Variants in TRMT13 observed in about 807,000 individuals in gnomAD.
TRMT13 encodes the protein tRNA:m(4)X modification enzyme TRM13 homolog.
Under a neutral mutation model 55.9 loss-of-function variants are expected in TRMT13, and 45 were observed. The ratio of observed to expected loss-of-function variants is 0.80; its 90% CI spans 0.63 to 1.03. The LOEUF is 1.03. Among genes scored for constraint, TRMT13 ranks in the 50% least tolerant of loss-of-function variants. The probability of loss-of-function intolerance (pLI) is 0.00; values close to 1 mark genes in which losing one functional copy is unlikely to be tolerated. For synonymous variants in TRMT13, 183 were observed against 196.3 expected (o/e 0.93, Z 0.57); for missense variants, 513 against 563.9 (o/e 0.91, Z 0.91).
At position 100,148,090 on chromosome 1, in the gene TRMT13, C is replaced by T; in HGVS notation, c.1014C>T (p.His338=). Residue 338 remains histidine (H), a synonymous_variant, in exon 10 of 11, where the codon CAC becomes CAT. Transcript: ENST00000370141. ...TTGTTATTGCACTCTGTTGTCACCA[C>T]AGGTGTGATTGGAGACATTATGTGG... is the stretch of plus-strand genomic sequence containing the variant. The part of the protein sequence containing the change: ...AGIVIALCCH[H]RCDWRHYVGK... 1 of 1,614,200 alleles carries T rather than the reference C, an allele frequency of 6.2e-7. No homozygotes were observed. Among genetic ancestry groups the T allele is most frequent in the Non-Finnish European group, 8.5e-7 (1 of 1,180,034 alleles).
chr1:100,140,755 T>C, intron 6 of TRMT13, 97 bp from the exon 7 acceptor site: 1 of 1,199,488 alleles, frequency 8.3e-7, no homozygotes, highest in Non-Finnish European at 1.2e-6. Flanking sequence ...ATTATCAATG[T>C]AAGCATACTG....
intron 4 of TRMT13, 87 bp from the exon 5 acceptor site, chr1:100,140,095 C>T: frequency 1.2e-6 from 1 of 813,748 alleles, no homozygotes; most frequent in Non-Finnish European, 2.0e-6. Flanking sequence ...ATGGGATTTG[C>T]CCAGTTGGTA....
intron 3 of TRMT13, 24 bp downstream of exon 3, chr1:100,137,109 G>T: frequency 6.3e-7 from 1 of 1,591,246 alleles, no homozygotes; most frequent in South Asian, 1.1e-5. Context: ...CAGTAAAATT[G>T]AATGGTGAAA....
Position 100,148,137 on chromosome 1 carries a change from T to TA in TRMT13, c.1062dup (p.Gly355ArgfsTer15), listed in dbSNP as rs746150860. The stretch of plus-strand genomic sequence containing the variant: ...GTGGGCAAAGAATATTTCAGGGCTC[T>TA]AGGCCTTGGAGCAGTGGAATTCCAT... On this transcript the variant is annotated frameshift_variant, in exon 10 of 11. Transcript: ENST00000370141. LOFTEE classifies it high-confidence loss of function. 2 of 1,614,096 alleles carry TA rather than the reference T, an allele frequency of 1.2e-6. No homozygotes were observed. Among genetic ancestry groups the TA allele is most frequent in the African/African-American group, 2.7e-5 (2 of 74,942 alleles).
chr1:100,149,496 G>T lies in TRMT13; in HGVS notation c.*676G>T. 1 of 1,449,050 alleles carries T rather than the reference G, an allele frequency of 6.9e-7. No homozygotes were observed. The highest frequency in any genetic ancestry group is 1.4e-5 in the South Asian group (1 of 73,920). 89.8% of individuals were successfully genotyped at this position (1,449,050 alleles called of 1,614,324 possible). ...ATTTTGTTGGATAATTGTCTAGTTA[G>T]AACTTCCAAAAAGATACTTACAAAC... On this transcript the variant is annotated 3_prime_UTR_variant, in exon 11 of 11. Coordinates refer to ENST00000370141, the MANE Select transcript of TRMT13 (RefSeq NM_019083.3).
Position 100,143,120 on chromosome 1 carries a change from A to G in TRMT13, c.670-17A>G. 6.4e-7 allele frequency: 1 copy of G among 1,571,924 alleles called. No homozygotes were observed. On this transcript the variant is annotated splice_polypyrimidine_tract_variant and intron_variant, in intron 7 of 10. Coordinates refer to ENST00000370141, the MANE Select transcript of TRMT13 (RefSeq NM_019083.3). ...AATGTAAGAAGTGATTATTACAATA[A>G]TGTTCTGTTTGTGCAGGTGGATGGA... is the stretch of plus-strand genomic sequence containing the variant.
intron 9 of TRMT13, among the ~76,000 whole-genome samples, chr1:100,146,667 G>A (rs1374990493): frequency 1.3e-5 from 2 of 152,050 alleles, no homozygotes; most frequent in Admixed American, 6.5e-5. Flanking sequence ...CACCACGCCC[G>A]GCTAATTTTT....
chr1:100,149,555 G>T lies in TRMT13; in HGVS notation c.*735G>T. The T allele has an allele frequency of 2.1e-6, 2 of 939,476 alleles. No homozygotes were observed. Among genetic ancestry groups the T allele is most frequent in the Non-Finnish European group, 3.1e-6 (2 of 646,922 alleles). 58.2% of individuals were successfully genotyped at this position (939,476 alleles called of 1,614,324 possible). A position where few individuals can be genotyped will look rare whatever the true frequency, so the allele number is the denominator to read the frequency against. ...CAAATTTGAAATAATTTCTGAAGTT[G>T]ATTAGCTATCTCATATCTTTTATCA... On this transcript the variant is annotated 3_prime_UTR_variant, in exon 11 of 11. Transcript: ENST00000370141.
At chr1:100,145,787 C>T (rs1657170004) in intron 9 of TRMT13, among the ~76,000 whole-genome samples, 1 of 152,202 alleles carries the variant, frequency 6.6e-6, no homozygotes, top group South Asian at 2.1e-4. Context: ...GGGAGGATCA[C>T]TTGAGCCTAA....
At chr1:100,142,396 A>G (rs2101733651) in intron 7 of TRMT13, among the ~76,000 whole-genome samples, 1 of 152,328 alleles carries the variant, frequency 6.6e-6, no homozygotes, top group African/African-American at 2.4e-5. Context: ...AGTAAGAAAG[A>G]GGCCAGAGCT....
chr1:100,148,377 G>T, intron 10 of TRMT13, 51 bp downstream of exon 10: 1 of 1,505,828 alleles, frequency 6.6e-7, no homozygotes, highest in Non-Finnish European at 9.0e-7. Context: ...ATATTATATT[G>T]TACTGTACTT....
At position 100,140,485 on chromosome 1, in the gene TRMT13, G is replaced by A. The variant is rs367748763; in HGVS notation, c.472G>A (p.Asp158Asn). 4 of 1,613,744 alleles carry A rather than the reference G, an allele frequency of 2.5e-6. No homozygotes were observed. The highest frequency in any genetic ancestry group is 3.3e-5 in the Admixed American group (2 of 59,998). Residue 158 changes from aspartate (D) to asparagine (N), a missense_variant, in exon 6 of 11, where the codon GAT becomes AAT. Physicochemically the swap from Asp to Asn is conservative, Grantham distance 23. This residue lies in a region of TRMT13 where 298 missense variants were observed against 290.3 expected (regional missense o/e 1.03). Transcript: ENST00000370141. Reference sequence around the variant, plus strand: ...TGCACTTAATGACCCTAAAAATGGCGATTCTGCAACCAAGCACCTGAAACA... The same window carrying A: ...TGCACTTAATGACCCTAAAAATGGCAATTCTGCAACCAAGCACCTGAAACA... ...HDALNDPKNG[D>N]SATKHLKQQA...
At position 100,148,940 on chromosome 1, in the gene TRMT13, G is replaced by A. The variant is rs1003922447; in HGVS notation, c.*120G>A. The stretch of plus-strand genomic sequence containing the variant: ...AATATGAACTTTAAAAAATGCTGTG[G>A]CCTCATTAAACTTTGGTAATAGCTT... On this transcript the variant is annotated 3_prime_UTR_variant, in exon 11 of 11. Coordinates refer to ENST00000370141, the MANE Select transcript of TRMT13 (RefSeq NM_019083.3). The A allele has an allele frequency of 7.6e-6, 9 of 1,188,706 alleles. No individual in the cohort carries two copies. Among genetic ancestry groups the A allele is most frequent in the Non-Finnish European group, 1.0e-5 (9 of 883,918 alleles). The allele number at this position is 1,188,706 out of a possible 1,614,324, so 73.6% of individuals were successfully genotyped here. A position where few individuals can be genotyped will look rare whatever the true frequency, so the allele number is the denominator to read the frequency against.
At chr1:100,140,712 A>T in intron 6 of TRMT13, 140 bp from the exon 7 acceptor site, 1 of 919,442 alleles carries the variant, frequency 1.1e-6, no homozygotes, top group Non-Finnish European at 1.6e-6. Flanking sequence ...AAATATTTAA[A>T]GGCAAGAGAG....
rs1657754466 is a variant in TRMT13, at chr1:100,149,609, CAAT to C, written c.*792_*794del. The C allele has an allele frequency of 3.8e-6, 2 of 520,962 alleles. No individual in the cohort carries two copies. Among genetic ancestry groups the C allele is most frequent in the South Asian group, 2.7e-5 (1 of 37,004 alleles). 32.3% of individuals were successfully genotyped at this position (520,962 alleles called of 1,614,324 possible). Reference sequence around the variant, plus strand: ...CATTTTTTATATATGTAGGCACAAACAATAAGTATGTTCTCTTCTGTTTGGGAA... The same window carrying C: ...CATTTTTTATATATGTAGGCACAAACAAGTATGTTCTCTTCTGTTTGGGAA... On this transcript the variant is annotated 3_prime_UTR_variant, in exon 11 of 11. Transcript: ENST00000370141.
At chr1:100,142,176 A>C (rs1656720750) in intron 7 of TRMT13, among the ~76,000 whole-genome samples, 1 of 152,220 alleles carries the variant, frequency 6.6e-6, no homozygotes. Flanking sequence ...CTATGGGAGC[A>C]TGAAGATAGA....
Position 100,140,445 on chromosome 1 carries a change from T to A in TRMT13, c.432T>A (p.His144Gln). Residue 144 changes from histidine to glutamine, a missense_variant, in exon 6 of 11, where the codon CAT becomes CAA. By Grantham distance (24) the His-to-Gln change is conservative (BLOSUM62 0). This residue lies in a region of TRMT13 where 298 missense variants were observed against 290.3 expected (regional missense o/e 1.03). Transcript: ENST00000370141. The part of the protein sequence containing the change: ...NSTLKDHIMS[H>Q]PALHDALNDP... ...CACTTAAAGATCATATTATGTCCCA[T>A]CCAGCATTACACGATGCACTTAATG... is the stretch of plus-strand genomic sequence containing the variant. The A allele has an allele frequency of 6.2e-7, 1 of 1,613,964 alleles. No homozygotes were observed. Among genetic ancestry groups the A allele is most frequent in the Non-Finnish European group, 8.5e-7 (1 of 1,179,944 alleles).
chr1:100,148,995 G>C lies in TRMT13; in HGVS notation c.*175G>C, dbSNP rs753619184. 5 of 1,461,342 alleles carry C rather than the reference G, an allele frequency of 3.4e-6. No individual in the cohort carries two copies. In the Admixed American group the frequency reaches 1.2e-4, roughly 36 times the overall value. The allele number at this position is 1,461,342 out of a possible 1,614,324, so 90.5% of individuals were successfully genotyped here. A position where few individuals can be genotyped will look rare whatever the true frequency, so the allele number is the denominator to read the frequency against. On this transcript the variant is annotated 3_prime_UTR_variant, in exon 11 of 11. Transcript: ENST00000370141. ...TTTTACTTCAGAAATCCAAACATTA[G>C]AGAATTCACCAAAGTAATCCTCTTT...
At position 100,140,836 on chromosome 1, in the gene TRMT13, C is replaced by A. The variant is rs372137775; in HGVS notation, c.502-16C>A. ...TGTTTACTCTAGTTTATAAAATAAT[C>A]TTGTGAAGTTTGCAGGCTTCTATTT... On this transcript the variant is annotated splice_polypyrimidine_tract_variant and intron_variant, in intron 6 of 10. Transcript: ENST00000370141. 6.9e-6 allele frequency: 11 copies of A among 1,604,360 alleles called. No homozygotes were observed. In the African/African-American group the frequency reaches 1.1e-4, roughly 16 times the overall value.
Sources: allele counts gnomAD v4.1 joint callset (sites outside exome capture counted in the v4.1 genomes callset), GRCh38; gene constraint gnomAD v4.1.1; regional missense constraint gnomAD v4.1.1; transcripts MANE v1.5; gene names NCBI Gene and HGNC (gene_info 2026-07-23, HGNC 2026-07-21).